Variants in CNTN4 observed in about 807,000 individuals in gnomAD.
CNTN4 encodes the protein contactin-4.
Under a neutral mutation model 122.5 loss-of-function variants are expected in CNTN4, and 77 were observed. The ratio of observed to expected loss-of-function variants is 0.63; its 90% CI spans 0.52 to 0.76. The LOEUF (loss-of-function observed/expected upper bound fraction) is 0.76, where lower values mean the gene tolerates loss of function less well. Among genes scored for constraint, CNTN4 ranks in the 30% least tolerant of loss-of-function variants. The probability of loss-of-function intolerance (pLI) is 0.00; values close to 1 mark genes in which losing one functional copy is unlikely to be tolerated. For missense variants in CNTN4, 1,256 were observed against 1,259.1 expected, an observed-to-expected ratio of 1.00 and a Z score of 0.04; for synonymous variants, 512 against 447.0, an observed-to-expected ratio of 1.15 and a Z score of -1.83.
chr3:2,685,534 C>A (rs957475198), intron 4 of CNTN4, among the ~76,000 whole-genome samples: 4 of 152,106 alleles, frequency 2.6e-5, no homozygotes. Flanking sequence ...AAGGGTCCTT[C>A]CAAACAAATG....
chr3:2,519,271 C>A (rs1018884235), intron 3 of CNTN4, among the ~76,000 whole-genome samples: 4 of 152,226 alleles, frequency 2.6e-5, no homozygotes, highest in Admixed American at 6.5e-5. Context: ...TCACAAGTGA[C>A]CTTGCCATAA....
chr3:2,286,209 G>A (rs920392593), intron 2 of CNTN4, among the ~76,000 whole-genome samples: 6 of 99,026 alleles, frequency 6.1e-5, no homozygotes, highest in South Asian at 6.5e-4. Flanking sequence ...ATCTCCTGCC[G>A]TGTGTGTGTG....
At chr3:2,755,409 C>T (rs2090289198) in intron 6 of CNTN4, among the ~76,000 whole-genome samples, 1 of 152,056 alleles carries the variant, frequency 6.6e-6, no homozygotes, top group Non-Finnish European at 1.5e-5. Context: ...AAATATTTTT[C>T]AATGGAAGGC....
intron 15 of CNTN4, 44 bp from the exon 16 acceptor site, chr3:3,030,811 G>A: frequency 6.2e-7 from 1 of 1,600,262 alleles, no homozygotes; most frequent in African/African-American, 1.3e-5. Context: ...GATATTTAGA[G>A]CTCATTAAAA....
chr3:2,950,178 T>C lies in CNTN4; in HGVS notation c.1358+24399T>C, dbSNP rs190814290. Among the ~76,000 whole-genome samples the C allele has an allele frequency of 2.0e-4, 31 of 152,352 alleles. 1 individual carries two copies. The highest frequency in any genetic ancestry group is 1.8e-3 in the Admixed American group (28 of 15,306). ...TGTATCCCCTCCAGAGAGCCCTGTT[T>C]CCTCGAAGGGTAGCTAGCACTGGAG... On this transcript the variant is annotated intron_variant, in intron 13 of 24. Coordinates refer to ENST00000418658, the MANE Select transcript of CNTN4 (RefSeq NM_175607.3).
At chr3:2,934,833 C>G (rs998657204) in intron 13 of CNTN4, among the ~76,000 whole-genome samples, 2 of 152,252 alleles carry the variant, frequency 1.3e-5, no homozygotes, top group African/African-American at 4.8e-5. Flanking sequence ...CGTCATTGCT[C>G]TAGTTAGAAT....
rs6805689 is a variant in CNTN4 at position 2,427,390 on chromosome 3, G to A, written c.-89+88157G>A. Among the ~76,000 whole-genome samples the A allele has an allele frequency of 8.6e-3, 1,310 of 152,310 alleles. 16 individuals carry two copies. Among genetic ancestry groups the A allele is most frequent in the African/African-American group, 0.03 (1,264 of 41,566 alleles). On this transcript the variant is annotated intron_variant, in intron 3 of 24. Coordinates refer to ENST00000418658, the MANE Select transcript of CNTN4 (RefSeq NM_175607.3). The stretch of plus-strand genomic sequence containing the variant: ...CATGTAGTTGAGCAGTTTTGAGTGA[G>A]TTTCTTAATCCTGAGTTCTAGTTTG...
At chr3:2,629,935 A>G (rs2082358367) in intron 4 of CNTN4, among the ~76,000 whole-genome samples, 1 of 152,114 alleles carries the variant, frequency 6.6e-6, no homozygotes, top group African/African-American at 2.4e-5. Flanking sequence ...CGTTAATATA[A>G]CTTTCATCCT....
chr3:2,357,665 G>T (rs2044928964), intron 3 of CNTN4, among the ~76,000 whole-genome samples: 3 of 152,312 alleles, frequency 2.0e-5, no homozygotes, highest in South Asian at 4.1e-4. Flanking sequence ...GGCTAAAGGA[G>T]ACTGATGAGA....
chr3:2,242,893 A>C (rs781755328), intron 2 of CNTN4, among the ~76,000 whole-genome samples: 6 of 152,164 alleles, frequency 3.9e-5, no homozygotes, highest in Non-Finnish European at 5.9e-5. Flanking sequence ...TTCAGTCAAA[A>C]TCTACTGATA....
At chr3:2,746,809 C>T (rs1051492940) in intron 6 of CNTN4, among the ~76,000 whole-genome samples, 2 of 152,162 alleles carry the variant, frequency 1.3e-5, no homozygotes, top group Non-Finnish European at 2.9e-5. Flanking sequence ...GTGAATGTCT[C>T]TTGAGATAGT....
At chr3:2,941,679 T>C (rs1397202852) in intron 13 of CNTN4, among the ~76,000 whole-genome samples, 1 of 152,186 alleles carries the variant, frequency 6.6e-6, no homozygotes, top group Non-Finnish European at 1.5e-5. Context: ...GACGCGTCGC[T>C]CTGCTTCTAT....
intron 4 of CNTN4, among the ~76,000 whole-genome samples, chr3:2,636,329 T>C (rs1190944145): frequency 2.0e-5 from 3 of 152,198 alleles, no homozygotes; most frequent in African/African-American, 7.2e-5. Context: ...GCCCCTCTGT[T>C]ACTATTGAGG....
intron 2 of CNTN4, among the ~76,000 whole-genome samples, chr3:2,162,313 C>G (rs979227930): frequency 6.6e-6 from 1 of 152,142 alleles, no homozygotes; most frequent in Non-Finnish European, 1.5e-5. Flanking sequence ...TATGAATGTT[C>G]TCATATATGC....
At chr3:2,600,886 C>G (rs893713140) in intron 4 of CNTN4, among the ~76,000 whole-genome samples, 7 of 151,992 alleles carry the variant, frequency 4.6e-5, no homozygotes, top group East Asian at 3.9e-4. Context: ...TTTTAATGAT[C>G]CCCATTCTAA....
chr3:2,573,494 T>G (rs2079521120), intron 4 of CNTN4, among the ~76,000 whole-genome samples: 2 of 152,180 alleles, frequency 1.3e-5, no homozygotes, highest in South Asian at 4.1e-4. Flanking sequence ...GAGTTTTAAC[T>G]TCTCATAATG....
chr3:2,655,498 A>G (rs115828019), intron 4 of CNTN4, among the ~76,000 whole-genome samples: 9 of 152,240 alleles, frequency 5.9e-5, no homozygotes, highest in Non-Finnish European at 1.3e-4. Flanking sequence ...CTGCAGCATT[A>G]TCTCTCATTC....
In CNTN4 at chr3:2,442,202, A is replaced by C. The variant is rs76184010; in HGVS notation, c.-89+102969A>C. On this transcript the variant is annotated intron_variant, in intron 3 of 24. Transcript: ENST00000418658. ...GCACAGTTCCTATGTCATTTTGGTC[A>C]CATTGTTTTTCTTTCCTTTCCCTCC... 3.8e-3 allele frequency among the ~76,000 whole-genome samples: 586 copies of C among 152,272 alleles called. 4 individuals are homozygous for C. The highest frequency in any genetic ancestry group is 0.014 in the African/African-American group (573 of 41,568).
intron 4 of CNTN4, among the ~76,000 whole-genome samples, chr3:2,620,084 T>A (rs2081937442): frequency 6.6e-6 from 1 of 152,220 alleles, no homozygotes; most frequent in Non-Finnish European, 1.5e-5. Context: ...GTCATTCATT[T>A]GATTATATTA....
Sources: allele counts gnomAD v4.1 joint callset (sites outside exome capture counted in the v4.1 genomes callset), GRCh38; gene constraint gnomAD v4.1.1; transcripts MANE v1.5; gene names NCBI Gene and HGNC (gene_info 2026-07-23, HGNC 2026-07-21).